Variants in GRK5 observed in about 807,000 individuals in gnomAD.
The protein encoded by GRK5 is G protein-coupled receptor kinase 5, also known as g protein-coupled receptor kinase GRK5.
A neutral mutation model predicts 78.4 loss-of-function variants in GRK5; 40 were observed. The ratio of observed to expected loss-of-function variants is 0.51; its 90% CI spans 0.40 to 0.66. The LOEUF (loss-of-function observed/expected upper bound fraction) is 0.66. Ranked by LOEUF, GRK5 falls within the 30% of genes least tolerant of loss-of-function variation. GRK5 has a pLI of 0.00. For missense variants in GRK5, 598 were observed against 759.9 expected, an observed-to-expected ratio of 0.79 and a Z score of 2.50; for synonymous variants, 289 against 296.8, an observed-to-expected ratio of 0.97 and a Z score of 0.27.
rs1322262707 is a variant in GRK5 at position 119,217,253 on chromosome 10, T to C, written c.52+9284T>C. Among the ~76,000 whole-genome samples, 2 of 152,218 alleles carry C rather than the reference T, an allele frequency of 1.3e-5. No individual in the cohort carries two copies. Among genetic ancestry groups the C allele is most frequent in the Non-Finnish European group, 2.9e-5 (2 of 68,040 alleles). On this transcript the variant is annotated intron_variant, in intron 1 of 15. Coordinates refer to ENST00000392870, the MANE Select transcript of GRK5 (RefSeq NM_005308.3). This position sits in a 1 kb window ranked among gnomAD's most constrained non-coding sequence, Gnocchi z 4.1. ...TTCTGTCTCAGACCGTGATTTCAGC[T>C]GAGGGCCAGTTTGAGAGCAGTTGGG...
intron 2 of GRK5, among the ~76,000 whole-genome samples, chr10:119,360,030 G>A (rs117685006): frequency 0.026 from 3,884 of 150,944 alleles, 140 homozygotes; most frequent in East Asian, 0.13. Flanking sequence ...GGAAGCTGAG[G>A]GAGGTAGAGG....
intron 1 of GRK5, among the ~76,000 whole-genome samples, chr10:119,214,655 G>C (rs1848542082): frequency 6.6e-6 from 1 of 152,058 alleles, no homozygotes; most frequent in Non-Finnish European, 1.5e-5. Flanking sequence ...GAGTAGCTGG[G>C]ACTATAGGCT....
intron 4 of GRK5, among the ~76,000 whole-genome samples, chr10:119,405,041 A>G (rs1852211246): frequency 6.6e-6 from 1 of 152,146 alleles, no homozygotes; most frequent in Non-Finnish European, 1.5e-5. Context: ...GCTGATCTCC[A>G]TGGTTGCAGT....
At chr10:119,385,581 G>A (rs1214969338) in intron 3 of GRK5, among the ~76,000 whole-genome samples, 11 of 152,200 alleles carry the variant, frequency 7.2e-5, no homozygotes, top group Admixed American at 6.5e-5. Context: ...AGCCCCTGGC[G>A]GTGGTGAGAA....
chr10:119,246,315 G>A (rs546357580), intron 1 of GRK5, among the ~76,000 whole-genome samples: 8 of 151,992 alleles, frequency 5.3e-5, no homozygotes, highest in Admixed American at 2.6e-4. Context: ...ATACTGTGTT[G>A]TTCAGGGAAT....
chr10:119,213,669 T>C (rs1329770711), intron 1 of GRK5, among the ~76,000 whole-genome samples: 1 of 152,140 alleles, frequency 6.6e-6, no homozygotes, highest in East Asian at 1.9e-4. Context: ...ATAATGTCAT[T>C]CCTTTTATTA....
chr10:119,285,161 C>T (rs1849826524), intron 1 of GRK5, among the ~76,000 whole-genome samples: 1 of 152,180 alleles, frequency 6.6e-6, no homozygotes, highest in South Asian at 2.1e-4. Context: ...CGTTGGCTGG[C>T]ATCTCTAAGC....
At chr10:119,331,268 G>A (rs1005582131) in intron 2 of GRK5, among the ~76,000 whole-genome samples, 4 of 152,248 alleles carry the variant, frequency 2.6e-5, no homozygotes, top group African/African-American at 9.6e-5. Flanking sequence ...TTCTGCCGGA[G>A]GGTATTGAAA....
In GRK5 at chr10:119,455,084, C is replaced by G. The variant is rs777798946; in HGVS notation, c.*17C>G. 13 of 1,585,144 alleles carry G rather than the reference C, an allele frequency of 8.2e-6. No individual in the cohort carries two copies. The highest frequency in any genetic ancestry group is 1.7e-5 in the Admixed American group (1 of 59,992). On this transcript the variant is annotated 3_prime_UTR_variant, in exon 16 of 16. Coordinates refer to ENST00000392870, the MANE Select transcript of GRK5 (RefSeq NM_005308.3). The stretch of plus-strand genomic sequence containing the variant: ...AGCAGCTAGTTTCGGCTCTGGCCTC[C>G]AAGTCCACAGTGGAACCAGCCCAGA...
rs368296402 is a variant in GRK5, at chr10:119,442,243, G to A, written c.1057+155G>A. On this transcript the variant is annotated intron_variant, in intron 11 of 15. Transcript: ENST00000392870. ...GTCTCTGCAGGGCTGCTGGGGGGCG[G>A]CCTTAGCCAGGGGGAGGGGGAGCAC... Among the ~76,000 whole-genome samples the A allele has an allele frequency of 9.2e-5, 14 of 152,390 alleles. No homozygotes were observed. The East Asian group carries it at 2.1e-3, about 23-fold the overall frequency.
intron 1 of GRK5, among the ~76,000 whole-genome samples, chr10:119,275,613 G>GCACACACACACACA (rs796867686): frequency 1.6e-4 from 19 of 120,752 alleles, no homozygotes; most frequent in African/African-American, 4.7e-4. Context: ...TCTCTCTCTC[G>GCACACACACACACA]CACACACACA....
intron 3 of GRK5, among the ~76,000 whole-genome samples, chr10:119,394,354 G>GGGTATGGGTGTGTT (rs1564917108): frequency 9.1e-6 from 1 of 109,600 alleles, no homozygotes; most frequent in Non-Finnish European, 2.0e-5. Flanking sequence ...GGGCATGTGG[G>GGGTATGGGTGTGTT]TGTGTGGGTG....
intron 1 of GRK5, among the ~76,000 whole-genome samples, chr10:119,220,366 A>G (rs1340715160): frequency 3.9e-5 from 6 of 152,216 alleles, no homozygotes; most frequent in Non-Finnish European, 8.8e-5. Flanking sequence ...TCTCTATAAT[A>G]TATAGCAAAA....
At position 119,424,972 on chromosome 10, in the gene GRK5, C is replaced by T. The variant is rs764942790; in HGVS notation, c.441-21C>T. The T allele has an allele frequency of 2.6e-6, 4 of 1,522,866 alleles. No individual in the cohort carries two copies. The African/African-American group carries it at 4.1e-5, about 16-fold the overall frequency. The allele number at this position is 1,522,866 out of a possible 1,614,324, so 94.3% of individuals were successfully genotyped here. On this transcript the variant is annotated intron_variant, in intron 5 of 15. Coordinates refer to ENST00000392870, the MANE Select transcript of GRK5 (RefSeq NM_005308.3). ...AGATCGGGATTATAAAATGTTCATC[C>T]TCTTGTTCCATCTGCACTAGGTCTG...
chr10:119,265,987 A>T (rs910485795), intron 1 of GRK5, among the ~76,000 whole-genome samples: 1 of 152,086 alleles, frequency 6.6e-6, no homozygotes, highest in African/African-American at 2.4e-5. Context: ...ACTAACAGAG[A>T]GGTTCTCTGA....
chr10:119,282,847 G>A (rs1849783577), intron 1 of GRK5, among the ~76,000 whole-genome samples: 1 of 152,238 alleles, frequency 6.6e-6, no homozygotes, highest in Non-Finnish European at 1.5e-5. Flanking sequence ...TTGTCTTAAA[G>A]GTGAGGCCTT....
chr10:119,323,683 G>C (rs7096856), intron 1 of GRK5, among the ~76,000 whole-genome samples: 1 of 151,982 alleles, frequency 6.6e-6, no homozygotes, highest in East Asian at 1.9e-4. Context: ...TCTGGATTTC[G>C]ATGTGAAATC....
chr10:119,352,894 C>T lies in GRK5; in HGVS notation c.148+26283C>T, dbSNP rs374701977. ...CCAGGCCCAAGTTCTGTGCAGCTTA[C>T]GGGCAAGAGTAGGACCTGGGCACTG... On this transcript the variant is annotated intron_variant, in intron 2 of 15. Transcript: ENST00000392870. Among the ~76,000 whole-genome samples the T allele has an allele frequency of 2.6e-4, 39 of 152,308 alleles. No individual in the cohort carries two copies. The South Asian group carries it at 7.2e-3, about 28-fold the overall frequency.
At position 119,394,275 on chromosome 10, in the gene GRK5, C is replaced by CTAT. The variant is rs1554916264; in HGVS notation, c.262-2420_262-2419insTAT. ...GTGGATGTATCTGTGTGTGTGTGGG[C>CTAT]GTGTGTGTGGGTGTGTATCTGTGTG... On this transcript the variant is annotated intron_variant, in intron 3 of 15. Transcript: ENST00000392870. 1.6e-3 allele frequency among the ~76,000 whole-genome samples: 31 copies of CTAT among 19,156 alleles called. 6 individuals are homozygous for CTAT. The highest frequency in any genetic ancestry group is 2.6e-3 in the South Asian group (1 of 378). The allele number at this position is 19,156 out of a possible 152,430, so 12.6% of individuals were successfully genotyped here.
Sources: allele counts gnomAD v4.1 joint callset (sites outside exome capture counted in the v4.1 genomes callset), GRCh38; gene constraint gnomAD v4.1.1; non-coding constraint Gnocchi (gnomAD v3.1); transcripts MANE v1.5; gene names NCBI Gene and HGNC (gene_info 2026-07-23, HGNC 2026-07-21).